Variants in EVI2A observed in about 807,000 individuals in gnomAD.
The protein encoded by EVI2A is protein EVI2A.
EVI2A carries 11 observed loss-of-function variants against 13.0 expected under a neutral mutation model. The observed-to-expected ratio is 0.85, with a 90% CI of 0.53 to 1.40. The LOEUF is 1.40. Among genes scored for constraint, EVI2A ranks in the 40% most tolerant of loss-of-function variants. The probability of loss-of-function intolerance (pLI) is 0.00; values close to 1 mark genes in which losing one functional copy is unlikely to be tolerated. For missense variants in EVI2A, 267 were observed against 279.5 expected, an observed-to-expected ratio of 0.96 and a Z score of 0.32; for synonymous variants, 89 against 98.0, an observed-to-expected ratio of 0.91 and a Z score of 0.54.
rs1032780548 is a variant in EVI2A at position 31,317,530 on chromosome 17, G to A, written c.*773C>T. 2 of 152,036 alleles carry A rather than the reference G, an allele frequency of 1.3e-5. No homozygotes were observed. The highest frequency in any genetic ancestry group is 4.8e-5 in the African/African-American group (2 of 41,394). The allele number at this position is 152,036 out of a possible 1,614,324, so 9.4% of individuals were successfully genotyped here. A position where few individuals can be genotyped will look rare whatever the true frequency, so the allele number is the denominator to read the frequency against. ...AGATGAATATTATTAATCATAAACA[G>A]TGAAACATACTTTGCGTTTACACTT... is the stretch of plus-strand genomic sequence containing the variant. On this transcript the variant is annotated 3_prime_UTR_variant, in exon 2 of 2. Coordinates refer to ENST00000462804, the MANE Select transcript of EVI2A (RefSeq NM_014210.4).
Position 31,318,983 on chromosome 17 carries a change from A to G in EVI2A, c.31T>C (p.Tyr11His), listed in dbSNP as rs772320037. The G allele has an allele frequency of 6.2e-7, 1 of 1,611,850 alleles. No homozygotes were observed. The highest frequency in any genetic ancestry group is 8.5e-7 in the Non-Finnish European group (1 of 1,179,740). MPTDMEHTGH[Y>H]LHLAFLMTTV... ...GTCATCAGAAAGGCAAGATGTAGGT[A>G]ATGTCCTGTGTGTTCCATGTCCGTG... Residue 11 changes from tyrosine to histidine, a missense_variant, in exon 2 of 2, where the codon TAC becomes CAC. Tyr to His is a moderately conservative substitution (Grantham distance 83). Transcript: ENST00000462804.
intron 1 of EVI2A, chr17:31,320,306 G>C: frequency 7.6e-7 from 1 of 1,316,992 alleles, no homozygotes; most frequent in Non-Finnish European, 1.0e-6. Flanking sequence ...GTATGCTATA[G>C]AAATTCTTCT....
chr17:31,320,462 T>G, intron 1 of EVI2A: 1 of 1,597,394 alleles, frequency 6.3e-7, no homozygotes, highest in East Asian at 2.2e-5. Flanking sequence ...CTTTTGAACA[T>G]CAAGGTTTTA....
rs114845316 is a variant in EVI2A, at chr17:31,318,129, A to G, written c.*174T>C. ...ATATTCAGTGTCAAAACAAAAGTAC[A>G]CAGTTTAAATAATTAAGCAGGCATA... On this transcript the variant is annotated 3_prime_UTR_variant, in exon 2 of 2. Coordinates refer to ENST00000462804, the MANE Select transcript of EVI2A (RefSeq NM_014210.4). The G allele has an allele frequency of 1.3e-3, 938 of 714,144 alleles. 8 individuals carry two copies. In the African/African-American group the frequency reaches 0.016, roughly 12 times the overall value. 44.2% of individuals were successfully genotyped at this position (714,144 alleles called of 1,614,324 possible).
chr17:31,318,936 A>G lies in EVI2A; in HGVS notation c.78T>C (p.Pro26=). The G allele has an allele frequency of 6.2e-7, 1 of 1,613,922 alleles. No individual in the cohort carries two copies. Among genetic ancestry groups the G allele is most frequent in the Non-Finnish European group, 8.5e-7 (1 of 1,179,940 alleles). Residue 26 remains proline (P), a synonymous_variant, in exon 2 of 2, where the codon CCT becomes CCC. Transcript: ENST00000462804. Reference sequence around the variant, plus strand: ...GACGGGTATAGTTTGCTTTTGTTCCAGGAGACAAAGAAAAAACTGTTGTCA... The same window carrying G: ...GACGGGTATAGTTTGCTTTTGTTCCGGGAGACAAAGAAAAAACTGTTGTCA... ...FLMTTVFSLS[P]GTKANYTRLW... is the part of the protein sequence containing the mutation.
In EVI2A at chr17:31,318,201, T is replaced by A; in HGVS notation, c.*102A>T. On this transcript the variant is annotated 3_prime_UTR_variant, in exon 2 of 2. Coordinates refer to ENST00000462804, the MANE Select transcript of EVI2A (RefSeq NM_014210.4). ...TGATTCTAAATTGCAAGGTCTACCATGTCAAATTTTAGATAATCAGAACAA... is the reference window on the plus strand; with the variant it reads ...TGATTCTAAATTGCAAGGTCTACCAAGTCAAATTTTAGATAATCAGAACAA... 7.0e-7 allele frequency: 1 copy of A among 1,431,672 alleles called. No homozygotes were observed. Among genetic ancestry groups the A allele is most frequent in the Middle Eastern group, 2.5e-4 (1 of 3,948 alleles). The allele number at this position is 1,431,672 out of a possible 1,614,324, so 88.7% of individuals were successfully genotyped here. A position where few individuals can be genotyped will look rare whatever the true frequency, so the allele number is the denominator to read the frequency against.
At chr17:31,320,305 A>C in intron 1 of EVI2A, 1 of 1,322,728 alleles carries the variant, frequency 7.6e-7, no homozygotes, top group Non-Finnish European at 1.0e-6. Flanking sequence ...CGTATGCTAT[A>C]GAAATTCTTC....
rs1188247943 is a variant in EVI2A at position 31,317,023 on chromosome 17, T to A, written c.*1280A>T. On this transcript the variant is annotated 3_prime_UTR_variant, in exon 2 of 2. Transcript: ENST00000462804. ...TTAGGCATTGGTGTTTTTTAAAAACTCTTCAGGTGATTCTGACATGCAGCC... is the reference window on the plus strand; with the variant it reads ...TTAGGCATTGGTGTTTTTTAAAAACACTTCAGGTGATTCTGACATGCAGCC... Among the ~76,000 whole-genome samples the A allele has an allele frequency of 6.6e-6, 1 of 152,156 alleles. No individual in the cohort carries two copies. Among genetic ancestry groups the A allele is most frequent in the Non-Finnish European group, 1.5e-5 (1 of 68,020 alleles).
Position 31,317,485 on chromosome 17 carries a change from G to A in EVI2A, c.*818C>T, listed in dbSNP as rs1257525378. 1 of 151,850 alleles carries A rather than the reference G, an allele frequency of 6.6e-6. No individual in the cohort carries two copies. The highest frequency in any genetic ancestry group is 6.6e-5 in the Admixed American group (1 of 15,234). 9.4% of individuals were successfully genotyped at this position (151,850 alleles called of 1,614,324 possible). A position where few individuals can be genotyped will look rare whatever the true frequency, so the allele number is the denominator to read the frequency against. On this transcript the variant is annotated 3_prime_UTR_variant, in exon 2 of 2. Transcript: ENST00000462804. ...TTTGGTACTTGTTGTTAATGTTCCA[G>A]TAAGTAGTATTTATAGAAAAGATGA...
Position 31,316,891 on chromosome 17 carries a change from G to T in EVI2A, c.*1412C>A, listed in dbSNP as rs58877437. Among the ~76,000 whole-genome samples, 1 of 151,890 alleles carries T rather than the reference G, an allele frequency of 6.6e-6. No individual in the cohort carries two copies. The highest frequency in any genetic ancestry group is 1.5e-5 in the Non-Finnish European group (1 of 67,974). ...CCTCTCATTTTAATAATAGCTAGAC[G>T]TTTGAATTTGATGACCAAGAGCAGT... On this transcript the variant is annotated 3_prime_UTR_variant, in exon 2 of 2. Coordinates refer to ENST00000462804, the MANE Select transcript of EVI2A (RefSeq NM_014210.4).
In EVI2A at chr17:31,316,932, T is replaced by TA. The variant is rs1288837947; in HGVS notation, c.*1370dup. 2.0e-5 allele frequency among the ~76,000 whole-genome samples: 3 copies of TA among 152,146 alleles called. No individual in the cohort carries two copies. The highest frequency in any genetic ancestry group is 7.2e-5 in the African/African-American group (3 of 41,440). On this transcript the variant is annotated 3_prime_UTR_variant, in exon 2 of 2. Transcript: ENST00000462804. ...CAAGAGCAGTTATCACCTTGAGAGT[T>TA]ACGTAAAAATTACCAATGCTTAGAG...
chr17:31,319,800 G>T (rs1283895900), intron 1 of EVI2A, among the ~76,000 whole-genome samples: 2 of 148,690 alleles, frequency 1.3e-5, no homozygotes, highest in Non-Finnish European at 3.0e-5. Context: ...AGACTTAAAA[G>T]TTCAACAAAA....
Position 31,317,602 on chromosome 17 carries a change from A to G in EVI2A, c.*701T>C, listed in dbSNP as rs1410490220. ...ATCTTATTTATTTTAGTTGTGCTCT[A>G]TTTCTTATTGATCTTTACAATGTGT... is the stretch of plus-strand genomic sequence containing the variant. On this transcript the variant is annotated 3_prime_UTR_variant, in exon 2 of 2. Transcript: ENST00000462804. 3 of 152,214 alleles carry G rather than the reference A, an allele frequency of 2.0e-5. No individual in the cohort carries two copies. Among genetic ancestry groups the G allele is most frequent in the Admixed American group, 6.5e-5 (1 of 15,280 alleles). The allele number at this position is 152,214 out of a possible 1,614,324, so 9.4% of individuals were successfully genotyped here. A position where few individuals can be genotyped will look rare whatever the true frequency, so the allele number is the denominator to read the frequency against.
Position 31,318,461 on chromosome 17 carries a change from C to CCAGA in EVI2A, c.549_552dup (p.Ala185SerfsTer9). 1.9e-6 allele frequency: 3 copies of CCAGA among 1,613,970 alleles called. No individual in the cohort carries two copies. Among genetic ancestry groups the CCAGA allele is most frequent in the Non-Finnish European group, 2.5e-6 (3 of 1,179,994 alleles). On this transcript the variant is annotated frameshift_variant, in exon 2 of 2. Transcript: ENST00000462804. LOFTEE classifies it high-confidence loss of function. ...GATTCAGCGGGCCATAGACCGCTTG[C>CCAGA]CAGAAAATCGCCATTGCTTCTAGGC...
chr17:31,318,520 G>T lies in EVI2A; in HGVS notation c.494C>A (p.Ser165Tyr), dbSNP rs147909684. 3.6e-4 allele frequency: 582 copies of T among 1,614,080 alleles called. 3 individuals are homozygous for T. The highest frequency in any genetic ancestry group is 3.0e-3 in the Middle Eastern group (18 of 6,062). The change falls in exon 2 of 2, where the codon TCT (serine) becomes TAT (tyrosine). Residue 165 changes from serine (S) to tyrosine (Y), a missense_variant. Ser to Tyr is a moderately radical substitution (Grantham distance 144). Transcript: ENST00000462804. ...GCCTACTTGTTTTGATCGTCTGAGAGAAGAGACTTTGTTTGCCAAAACCAC... is the reference window on the plus strand; with the variant it reads ...GCCTACTTGTTTTGATCGTCTGAGATAAGAGACTTTGTTTGCCAAAACCAC... ...STVVLANKVS[S>Y]LRRSKQVGKR...
intron 1 of EVI2A, among the ~76,000 whole-genome samples, chr17:31,319,653 A>G (rs551837571): frequency 3.3e-5 from 5 of 151,632 alleles, no homozygotes; most frequent in Admixed American, 1.3e-4. Flanking sequence ...TGTGAACGCA[A>G]TTTTACTGTG....
intron 1 of EVI2A, chr17:31,320,264 A>C: frequency 1.3e-6 from 1 of 785,034 alleles, no homozygotes; most frequent in East Asian, 2.8e-5. Context: ...CCTGAGATTT[A>C]CTAAATGAAA....
rs1459482263 is a variant in EVI2A, at chr17:31,318,155, C to CTTCT, written c.*144_*147dup. The CTTCT allele has an allele frequency of 8.6e-6, 8 of 925,374 alleles. No homozygotes were observed. In the African/African-American group the frequency reaches 1.3e-4, roughly 15 times the overall value. The allele number at this position is 925,374 out of a possible 1,614,324, so 57.3% of individuals were successfully genotyped here. A position where few individuals can be genotyped will look rare whatever the true frequency, so the allele number is the denominator to read the frequency against. ...CAGTTTAAATAATTAAGCAGGCATA[C>CTTCT]TTCTCCCTGTCTCACCTGCTTGATT... On this transcript the variant is annotated 3_prime_UTR_variant, in exon 2 of 2. Transcript: ENST00000462804.
At chr17:31,320,386 G>A (rs2069152864) in intron 1 of EVI2A, 2 of 1,607,360 alleles carry the variant, frequency 1.2e-6, no homozygotes, top group Non-Finnish European at 1.7e-6. Context: ...GCTAGTATAG[G>A]TAGGGCCTGA....
Sources: allele counts gnomAD v4.1 joint callset (sites outside exome capture counted in the v4.1 genomes callset), GRCh38; gene constraint gnomAD v4.1.1; transcripts MANE v1.5; gene names NCBI Gene and HGNC (gene_info 2026-07-23, HGNC 2026-07-21).